The following GRIN2A variants were observed in gnomAD, a reference collection of about 807,000 sequenced individuals.
GRIN2A encodes glutamate receptor ionotropic, NMDA 2A.
A neutral mutation model predicts 113.4 loss-of-function variants in GRIN2A; 22 were observed. That is an observed-to-expected ratio of 0.19 (90% CI 0.14 to 0.28). The LOEUF (loss-of-function observed/expected upper bound fraction) is 0.28. GRIN2A is among the 10% of genes least tolerant of loss of function. The pLI is 1.00. For synonymous variants in GRIN2A, 827 were observed against 738.4 expected, an observed-to-expected ratio of 1.12 and a Z score of -1.94; for missense variants, 1,502 against 1,887.0, an observed-to-expected ratio of 0.80 and a Z score of 3.78.
chr16:10,115,818 C>CT (rs139000682), intron 2 of GRIN2A, among the ~76,000 whole-genome samples: 7 of 151,416 alleles, frequency 4.6e-5, no homozygotes, highest in Middle Eastern at 3.2e-3. Flanking sequence ...TTACTCAGGA[C>CT]TTTTTTTTTG....
At chr16:9,921,229 G>T (rs1360652218) in intron 3 of GRIN2A, among the ~76,000 whole-genome samples, 2 of 152,126 alleles carry the variant, frequency 1.3e-5, no homozygotes, top group South Asian at 4.1e-4. Flanking sequence ...TTTCAGAAAG[G>T]TTTTGTAGTT....
chr16:10,146,908 T>C (rs973611112), intron 2 of GRIN2A, among the ~76,000 whole-genome samples: 1 of 151,984 alleles, frequency 6.6e-6, no homozygotes, highest in East Asian at 1.9e-4. Flanking sequence ...GTCAGCTAAA[T>C]GTAGCCACCC....
rs35189803 is a variant in GRIN2A at position 9,760,374 on chromosome 16, A to ATTTTTTTTTTTTTTTTTTTTT, written c.*2754_*2774dup. On this transcript the variant is annotated 3_prime_UTR_variant, in exon 13 of 13. Coordinates refer to ENST00000330684, the MANE Select transcript of GRIN2A (RefSeq NM_001134407.3). ...AAATTGACCATCTGATCAGTAGTTG[A>ATTTTTTTTTTTTTTTTTTTTT]TTTTTTTTTTTTTTTTTTTTTTTTG... is the stretch of plus-strand genomic sequence containing the variant. 1.1e-5 allele frequency: 1 copy of ATTTTTTTTTTTTTTTTTTTTT among 89,550 alleles called. No homozygotes were observed. The highest frequency in any genetic ancestry group is 1.9e-5 in the Non-Finnish European group (1 of 51,648). The allele number at this position is 89,550 out of a possible 1,614,324, so 5.5% of individuals were successfully genotyped here.
chr16:9,882,784 T>TA (rs1382627242), intron 4 of GRIN2A, among the ~76,000 whole-genome samples: 4 of 151,932 alleles, frequency 2.6e-5, no homozygotes, highest in African/African-American at 7.3e-5. Flanking sequence ...ACCATGTCTC[T>TA]AAAAAAAAGT....
In GRIN2A at chr16:9,762,925, C is replaced by T. The variant is rs1472787134; in HGVS notation, c.*224G>A. The T allele has an allele frequency of 1.2e-5, 7 of 597,812 alleles. No homozygotes were observed. The highest frequency in any genetic ancestry group is 2.1e-5 in the Non-Finnish European group (7 of 337,046). 37.0% of individuals were successfully genotyped at this position (597,812 alleles called of 1,614,324 possible). ...AGTTAGTTATTTTTGGTTAAGGACT[C>T]ACCTATCTGGTGTCTGCCATGCTCA... is the stretch of plus-strand genomic sequence containing the variant. On this transcript the variant is annotated 3_prime_UTR_variant, in exon 13 of 13. Coordinates refer to ENST00000330684, the MANE Select transcript of GRIN2A (RefSeq NM_001134407.3).
intron 3 of GRIN2A, among the ~76,000 whole-genome samples, chr16:9,931,813 G>A (rs181687641): frequency 3.9e-4 from 59 of 152,262 alleles, no homozygotes; most frequent in African/African-American, 1.3e-3. Context: ...ACATACCCAT[G>A]TACATATATG....
chr16:9,763,387 G>C lies in GRIN2A; in HGVS notation c.4157C>G (p.Pro1386Arg). The C allele has an allele frequency of 6.2e-7, 1 of 1,614,156 alleles. No homozygotes were observed. Among genetic ancestry groups the C allele is most frequent in the Non-Finnish European group, 8.5e-7 (1 of 1,180,018 alleles). ...CTGGGATGGCAACGAGTGTTTGTAA[G>C]GGTCCGAGGGGCATCTCCCAATAAC... ...RLVIGRCPSD[P>R]YKHSLPSQAV... is the part of the protein sequence containing the mutation. Residue 1386 changes from proline (P) to arginine (R), a missense_variant, in exon 13 of 13, where the codon CCT (proline) becomes CGT (arginine). Around this residue, in one of 7 missense-constraint regions of GRIN2A, gnomAD observed 832 missense variants for 789.7 expected, o/e 1.05. Coordinates refer to ENST00000330684, the MANE Select transcript of GRIN2A (RefSeq NM_001134407.3).
At chr16:10,035,722 A>ATT (rs574342443) in intron 2 of GRIN2A, among the ~76,000 whole-genome samples, 80 of 140,864 alleles carry the variant, frequency 5.7e-4, no homozygotes, top group South Asian at 1.6e-3. Flanking sequence ...TGGATGATCG[A>ATT]TTTTTTTTTT....
At chr16:9,879,332 A>T (rs2043433205) in intron 4 of GRIN2A, among the ~76,000 whole-genome samples, 1 of 152,214 alleles carries the variant, frequency 6.6e-6, no homozygotes, top group Admixed American at 6.5e-5. Context: ...AGAGATGAAC[A>T]ATGTCATTTA....
chr16:9,828,476 A>C (rs185637788), intron 9 of GRIN2A, among the ~76,000 whole-genome samples: 96 of 152,324 alleles, frequency 6.3e-4, no homozygotes, highest in Non-Finnish European at 1.2e-3. Context: ...TGGCAAAAGG[A>C]TATATGTAGA....
chr16:9,793,082 C>T (rs937627301), intron 11 of GRIN2A, among the ~76,000 whole-genome samples: 1 of 152,170 alleles, frequency 6.6e-6, no homozygotes, highest in African/African-American at 2.4e-5. Context: ...GCTGAATGAG[C>T]TCTGCTGCAG....
intron 4 of GRIN2A, among the ~76,000 whole-genome samples, chr16:9,872,440 A>G (rs2043283347): frequency 6.6e-6 from 1 of 152,108 alleles, no homozygotes; most frequent in Admixed American, 6.6e-5. Flanking sequence ...TTCTGATCAG[A>G]CACATCTGTG....
intron 4 of GRIN2A, among the ~76,000 whole-genome samples, chr16:9,884,191 T>G (rs1400885301): frequency 6.6e-6 from 1 of 152,190 alleles, no homozygotes; most frequent in African/African-American, 2.4e-5. Context: ...TTAAACAAAT[T>G]TTTAAAAGCT....
At chr16:10,005,740 C>T (rs2046394708) in intron 2 of GRIN2A, among the ~76,000 whole-genome samples, 1 of 152,174 alleles carries the variant, frequency 6.6e-6, no homozygotes, top group African/African-American at 2.4e-5. Context: ...CTCATTCATC[C>T]TGTGGCCTGT....
At chr16:10,085,559 T>C (rs879574748) in intron 2 of GRIN2A, among the ~76,000 whole-genome samples, 6 of 152,120 alleles carry the variant, frequency 3.9e-5, no homozygotes, top group Non-Finnish European at 8.8e-5. Context: ...CAGAAGCTAG[T>C]TCTGGGTGTG....
rs140536516 is a variant in GRIN2A, at chr16:9,764,101, G to A, written c.3443C>T (p.Pro1148Leu). Residue 1148 changes from proline to leucine, a missense_variant, in exon 13 of 13, where the codon CCG (proline) becomes CTG (leucine). Physicochemically the swap from Pro to Leu is moderately conservative, Grantham distance 98. This residue lies in a region of GRIN2A where 832 missense variants were observed against 789.7 expected (regional missense o/e 1.05). Coordinates refer to ENST00000330684, the MANE Select transcript of GRIN2A (RefSeq NM_001134407.3). ...TTCACTGGGATCCTGGTAGGGGTCC[G>A]GGAAGTCCACGTTCTCGGGCAGGGT... ...NVTLPENVDF[P>L]DPYQDPSENF... 1.1e-5 allele frequency: 17 copies of A among 1,613,756 alleles called. No homozygotes were observed. Among genetic ancestry groups the A allele is most frequent in the Non-Finnish European group, 1.4e-5 (17 of 1,179,772 alleles).
chr16:9,883,640 G>A (rs745538209), intron 4 of GRIN2A, among the ~76,000 whole-genome samples: 22 of 152,166 alleles, frequency 1.4e-4, no homozygotes, highest in Non-Finnish European at 2.1e-4. Context: ...GTTGGGGTAC[G>A]GGCGAATAAA....
At chr16:10,112,251 C>A in intron 2 of GRIN2A, 3 of 629,150 alleles carry the variant, frequency 4.8e-6, no homozygotes, top group Non-Finnish European at 8.7e-6. Context: ...TTACATCAAA[C>A]AGAAGTACCT....
At chr16:9,769,734 C>A (rs1901148384) in intron 11 of GRIN2A, among the ~76,000 whole-genome samples, 2 of 152,074 alleles carry the variant, frequency 1.3e-5, no homozygotes, top group African/African-American at 2.4e-5. Context: ...CCCTAAAGGA[C>A]CCAGATCATA....
Sources: allele counts gnomAD v4.1 joint callset (sites outside exome capture counted in the v4.1 genomes callset), GRCh38; gene constraint gnomAD v4.1.1; regional missense constraint gnomAD v4.1.1; transcripts MANE v1.5; gene names NCBI Gene and HGNC (gene_info 2026-07-23, HGNC 2026-07-21).